SLC44A5: variants seen among roughly 807,000 people sequenced by gnomAD.
SLC44A5 encodes the protein solute carrier family 44 member 5, also known as choline transporter-like protein 5.
Under a neutral mutation model 101.8 loss-of-function variants are expected in SLC44A5, and 57 were observed. The ratio of observed to expected loss-of-function variants is 0.56; its 90% CI spans 0.45 to 0.70. The LOEUF is 0.70. SLC44A5 is among the 30% of genes least tolerant of loss of function. The pLI is 0.00. For missense variants in SLC44A5, 737 were observed against 853.1 expected, an observed-to-expected ratio of 0.86 and a Z score of 1.70; for synonymous variants, 281 against 290.9, an observed-to-expected ratio of 0.97 and a Z score of 0.35.
At chr1:75,598,302 A>G (rs557944746) in intron 1 of SLC44A5, among the ~76,000 whole-genome samples, 2 of 152,306 alleles carry the variant, frequency 1.3e-5, no homozygotes, top group South Asian at 4.1e-4. Context: ...GTGGAGAAAA[A>G]GGAACATTTA....
intron 4 of SLC44A5, 132 bp downstream of exon 4, chr1:75,339,450 A>T: frequency 3.0e-6 from 2 of 667,754 alleles, no homozygotes; most frequent in Non-Finnish European, 5.1e-6. Flanking sequence ...GGTGACATTT[A>T]GGCAGAAATA....
At chr1:75,334,906 T>C (rs146351847) in intron 4 of SLC44A5, among the ~76,000 whole-genome samples, 1 of 152,156 alleles carries the variant, frequency 6.6e-6, no homozygotes, top group Non-Finnish European at 1.5e-5. Context: ...GCTCCAAGAG[T>C]AGTCTGTGCA....
upstream of SLC44A5, among the ~76,000 whole-genome samples, chr1:75,615,438 C>CAT: frequency 5.1e-5 from 1 of 19,500 alleles, no homozygotes; most frequent in African/African-American, 1.1e-4. Context: ...CACATACATA[C>CAT]ACACACACAC....
chr1:75,357,331 G>A (rs547202844), intron 3 of SLC44A5: 3 of 415,438 alleles, frequency 7.2e-6, no homozygotes, highest in South Asian at 3.4e-5. Context: ...CCCTTAAAAT[G>A]TGAACGTGTC....
chr1:75,530,588 A>C (rs191993664), intron 2 of SLC44A5, among the ~76,000 whole-genome samples: 5 of 152,266 alleles, frequency 3.3e-5, no homozygotes, highest in African/African-American at 1.2e-4. Context: ...GCCTGACTAC[A>C]AATTTGCTGA....
the SLC44A5 span, among the ~76,000 whole-genome samples, chr1:75,618,830 G>T: frequency 6.6e-6 from 1 of 152,138 alleles, no homozygotes; most frequent in Non-Finnish European, 1.5e-5. Flanking sequence ...AGCACTTTGG[G>T]AGGCTGAGAT....
intron 2 of SLC44A5, among the ~76,000 whole-genome samples, chr1:75,471,382 AACACAC>A (rs3058800): frequency 3.5e-4 from 52 of 149,296 alleles, no homozygotes; most frequent in Non-Finnish European, 4.3e-4. Context: ...TGTGCATGAA[AACACAC>A]ACACACACAC....
chr1:75,303,577 A>G (rs1178506701), intron 4 of SLC44A5, among the ~76,000 whole-genome samples: 17 of 152,190 alleles, frequency 1.1e-4, no homozygotes. Context: ...CACTACTTGC[A>G]CTAATGAATT....
the SLC44A5 span, among the ~76,000 whole-genome samples, chr1:75,633,472 C>A: frequency 1.3e-5 from 2 of 152,144 alleles, no homozygotes; most frequent in Admixed American, 6.5e-5. Flanking sequence ...ATTTTATTCT[C>A]TTTGAAGCAA....
chr1:75,547,036 C>A (rs917018480), intron 1 of SLC44A5, among the ~76,000 whole-genome samples: 5 of 151,972 alleles, frequency 3.3e-5, no homozygotes, highest in Non-Finnish European at 7.4e-5. Context: ...ATAATGAAAT[C>A]ATTCATGTTT....
chr1:75,409,830 C>T (rs529414346), intron 2 of SLC44A5, among the ~76,000 whole-genome samples: 7 of 152,158 alleles, frequency 4.6e-5, no homozygotes, highest in African/African-American at 1.7e-4. Flanking sequence ...AAGAATCATG[C>T]CCAAGGCAGC....
rs146272673 is a variant in SLC44A5, at chr1:75,238,596, G to T, written c.573C>A (p.Gly191=). ...RCFPDFSTKN[G]TLTIGSKMMF... ...TCATCTTACTTCCTATTGTTAAAGT[G>T]CCATTTTTGGTAGAGAAGTCAGGGA... The change falls in exon 10 of 24, where the codon GGC becomes GGA. Residue 191 remains glycine (G), a synonymous_variant. Coordinates refer to ENST00000370859, the MANE Select transcript of SLC44A5 (RefSeq NM_001130058.2). The T allele has an allele frequency of 1.8e-4, 286 of 1,584,484 alleles. No homozygotes were observed. The highest frequency in any genetic ancestry group is 2.4e-4 in the Non-Finnish European group (276 of 1,163,560).
At chr1:75,403,423 C>T (rs1031723908) in intron 2 of SLC44A5, among the ~76,000 whole-genome samples, 1 of 152,110 alleles carries the variant, frequency 6.6e-6, no homozygotes, top group South Asian at 2.1e-4. Flanking sequence ...CAGCAGGGGT[C>T]GACAGACACC....
At chr1:75,316,262 GT>G (rs1247356407) in intron 4 of SLC44A5, among the ~76,000 whole-genome samples, 1 of 152,126 alleles carries the variant, frequency 6.6e-6, no homozygotes, top group Admixed American at 6.6e-5. Context: ...TGCATTTGAT[GT>G]ATTTTACCTG....
At chr1:75,236,096 C>A (rs1186703550) in intron 11 of SLC44A5, among the ~76,000 whole-genome samples, 1 of 151,918 alleles carries the variant, frequency 6.6e-6, no homozygotes, top group Non-Finnish European at 1.5e-5. Context: ...GACTCAGTAC[C>A]AGGAAAGGAA....
chr1:75,675,397 G>T, the SLC44A5 span, among the ~76,000 whole-genome samples: 7 of 151,794 alleles, frequency 4.6e-5, no homozygotes, highest in Non-Finnish European at 7.4e-5. Context: ...TTTTTTTCAC[G>T]ATTTGGCTCT....
intron 3 of SLC44A5, among the ~76,000 whole-genome samples, chr1:75,387,031 C>T (rs1349910806): frequency 2.6e-5 from 4 of 151,840 alleles, no homozygotes; most frequent in Admixed American, 1.3e-4. Context: ...AACTGGATCC[C>T]TTCCTTACAC....
At chr1:75,463,419 C>A (rs1243135555) in intron 2 of SLC44A5, among the ~76,000 whole-genome samples, 463 of 69,974 alleles carry the variant, frequency 6.6e-3, no homozygotes, top group South Asian at 0.011. Context: ...GACTCTGTCT[C>A]AAAAAAAAAA....
At chr1:75,206,795 T>C (rs1646757226) in intron 23 of SLC44A5, 3 of 833,920 alleles carry the variant, frequency 3.6e-6, no homozygotes, top group South Asian at 3.2e-5. Context: ...AATTGGAGGG[T>C]CGAACAGGGA....
Sources: gnomAD v4.1 joint callset for allele counts (sites outside exome capture counted in the v4.1 genomes callset) on GRCh38, gnomAD v4.1.1 for gene constraint, MANE v1.5 for transcripts, NCBI Gene and HGNC (gene_info 2026-07-23, HGNC 2026-07-21) for gene names.